Variants in VEZT observed in about 807,000 individuals in gnomAD.
VEZT encodes vezatin, adherens junctions transmembrane protein.
VEZT carries 39 observed loss-of-function variants against 79.9 expected under a neutral mutation model. That is an observed-to-expected ratio of 0.49 (90% CI 0.38 to 0.64). The LOEUF (loss-of-function observed/expected upper bound fraction) is 0.64. Ranked by LOEUF, VEZT falls within the 30% of genes least tolerant of loss-of-function variation. The pLI is 0.00. For synonymous variants in VEZT, 325 were observed against 327.6 expected, an observed-to-expected ratio of 0.99 and a Z score of 0.09; for missense variants, 837 against 893.1, an observed-to-expected ratio of 0.94 and a Z score of 0.80.
chr12:95,281,299 T>G (rs1260574164), intron 7 of VEZT, among the ~76,000 whole-genome samples: 1 of 152,108 alleles, frequency 6.6e-6, no homozygotes, highest in Non-Finnish European at 1.5e-5. Flanking sequence ...CCTGGCAACA[T>G]ACTGAGACCC....
At chr12:95,243,149 A>C (rs1267732219) in intron 1 of VEZT, among the ~76,000 whole-genome samples, 1 of 152,020 alleles carries the variant, frequency 6.6e-6, no homozygotes, top group Non-Finnish European at 1.5e-5. Flanking sequence ...TGAGGTGGGC[A>C]GATCACTTGA....
chr12:95,272,305 G>T (rs2066781916), intron 6 of VEZT, among the ~76,000 whole-genome samples: 1 of 152,192 alleles, frequency 6.6e-6, no homozygotes, highest in Non-Finnish European at 1.5e-5. Context: ...GTAAGAGAAG[G>T]CCTCTCTGAG....
intron 1 of VEZT, among the ~76,000 whole-genome samples, chr12:95,240,339 C>T (rs1293214271): frequency 1.3e-5 from 2 of 152,042 alleles, no homozygotes; most frequent in Non-Finnish European, 2.9e-5. Flanking sequence ...GTTGACACCC[C>T]AACATAATTT....
At chr12:95,290,934 A>G (rs1374440860) in intron 9 of VEZT, 1 of 152,166 alleles carries the variant, frequency 6.6e-6, no homozygotes, top group East Asian at 1.9e-4. Context: ...GGATTACCAT[A>G]GAAAAGAATC....
intron 1 of VEZT, among the ~76,000 whole-genome samples, chr12:95,247,182 CA>C (rs2061840955): frequency 6.6e-6 from 1 of 152,200 alleles, no homozygotes; most frequent in Admixed American, 6.5e-5. Context: ...AAAAGCTCAT[CA>C]GATGGTTGCA....
intron 1 of VEZT, among the ~76,000 whole-genome samples, chr12:95,245,953 T>G (rs1566068549): frequency 6.6e-6 from 1 of 152,202 alleles, no homozygotes; most frequent in Non-Finnish European, 1.5e-5. Flanking sequence ...CACTCCAGCC[T>G]GGGTGACAGA....
At chr12:95,260,474 G>A (rs1319211735) in intron 3 of VEZT, among the ~76,000 whole-genome samples, 1 of 152,134 alleles carries the variant, frequency 6.6e-6, no homozygotes, top group South Asian at 2.1e-4. Flanking sequence ...GTTGGTTTTG[G>A]GGAGGTGTTA....
chr12:95,294,372 G>A lies in VEZT; in HGVS notation c.1623G>A (p.Gln541=), dbSNP rs1410012741. Residue 541 remains glutamine (Q), a splice_region_variant and synonymous_variant, in exon 10 of 12, where the codon CAG becomes CAA. Coordinates refer to ENST00000436874, the MANE Select transcript of VEZT (RefSeq NM_017599.4). ...IADKDPIPEE[Q]ELEAYVDDID... is the part of the protein sequence containing the mutation. ...ACAAAGATCCAATCCCAGAGGAGCA[G>A]GTAAGGGTGAAAATTACTGTTCTTT... 3.2e-6 allele frequency: 5 copies of A among 1,570,022 alleles called. No individual in the cohort carries two copies. The Admixed American group carries it at 9.4e-5, about 30-fold the overall frequency.
chr12:95,241,607 A>T (rs11107953), intron 1 of VEZT, among the ~76,000 whole-genome samples: 17,034 of 152,148 alleles, frequency 0.11, 1,049 homozygotes, highest in East Asian at 0.25. Flanking sequence ...CCTGCCTAGC[A>T]CACCCCTCAG....
At position 95,256,630 on chromosome 12, in the gene VEZT, G is replaced by T. The variant is rs530989817; in HGVS notation, c.169-520G>T. The T allele has an allele frequency of 3.1e-6, 4 of 1,285,030 alleles. No individual in the cohort carries two copies. The Admixed American group carries it at 9.3e-5, about 30-fold the overall frequency. 79.6% of individuals were successfully genotyped at this position (1,285,030 alleles called of 1,614,324 possible). A position where few individuals can be genotyped will look rare whatever the true frequency, so the allele number is the denominator to read the frequency against. On this transcript the variant is annotated intron_variant, in intron 2 of 11. Coordinates refer to ENST00000436874, the MANE Select transcript of VEZT (RefSeq NM_017599.4). ...AAGGAATGGGCTATTAAGGTAAATT[G>T]AATTTTTGGTTGATTCAGTAGTAAA...
At chr12:95,277,581 AG>A (rs2068047784) in intron 7 of VEZT, among the ~76,000 whole-genome samples, 1 of 152,242 alleles carries the variant, frequency 6.6e-6, no homozygotes, top group Non-Finnish European at 1.5e-5. Flanking sequence ...TTATTCTTTA[AG>A]GAAAATAAAG....
intron 9 of VEZT, chr12:95,290,548 A>G (rs546550591): frequency 6.6e-6 from 1 of 152,322 alleles, no homozygotes; most frequent in South Asian, 2.1e-4. Flanking sequence ...AAACCACTAC[A>G]TACTATGTTA....
chr12:95,274,640 A>G (rs2067268637), intron 6 of VEZT, 102 bp from the exon 7 acceptor site: 1 of 1,303,312 alleles, frequency 7.7e-7, no homozygotes, highest in African/African-American at 1.5e-5. Context: ...TCCTCATCCA[A>G]AAGTTCAGAA....
Position 95,265,216 on chromosome 12 carries a change from A to G in VEZT, c.435-1141A>G, listed in dbSNP as rs1480494831. On this transcript the variant is annotated intron_variant, in intron 4 of 11. Transcript: ENST00000436874. Reference sequence around the variant, plus strand: ...AAAGCATTCATTGCTTTAAAGATGTATTTTAGTCTGTTAGACTTGCAATTG... The same window carrying G: ...AAAGCATTCATTGCTTTAAAGATGTGTTTTAGTCTGTTAGACTTGCAATTG... Among the ~76,000 whole-genome samples the G allele has an allele frequency of 3.9e-5, 6 of 152,016 alleles. No individual in the cohort carries two copies. The East Asian group carries it at 5.8e-4, about 15-fold the overall frequency.
intron 9 of VEZT, among the ~76,000 whole-genome samples, chr12:95,293,059 TC>T (rs2073343604): frequency 1.3e-5 from 2 of 150,400 alleles, no homozygotes; most frequent in South Asian, 4.2e-4. Flanking sequence ...ACCATGTTGG[TC>T]AGGCTGGTCT....
At chr12:95,270,666 TTGCTTTAGTCG>T (rs1368563897) in intron 6 of VEZT, among the ~76,000 whole-genome samples, 1 of 152,226 alleles carries the variant, frequency 6.6e-6, no homozygotes, top group East Asian at 1.9e-4. Flanking sequence ...TCTCTATACC[TTGCTTTAGTCG>T]TGTTTAAAAT....
chr12:95,262,729 A>T (rs1483945258), intron 3 of VEZT, among the ~76,000 whole-genome samples, 177 bp from the exon 4 acceptor site: 1 of 152,190 alleles, frequency 6.6e-6, no homozygotes, highest in African/African-American at 2.4e-5. Context: ...ACTGTTTCAC[A>T]TTTACAGTGA....
chr12:95,224,934 C>T (rs75762038), intron 1 of VEZT, among the ~76,000 whole-genome samples: 11,885 of 152,260 alleles, frequency 0.078, 510 homozygotes, highest in Middle Eastern at 0.12. Context: ...CTCTCACATG[C>T]ACATTTCACA....
At chr12:95,224,335 A>G (rs1263256616) in intron 1 of VEZT, 1 of 435,962 alleles carries the variant, frequency 2.3e-6, no homozygotes, top group South Asian at 1.6e-5. Context: ...TTTTTTTTTG[A>G]CAGGGTCTTG....
Sources: gnomAD v4.1 joint callset for allele counts (sites outside exome capture counted in the v4.1 genomes callset) on GRCh38, gnomAD v4.1.1 for gene constraint, MANE v1.5 for transcripts, NCBI Gene and HGNC (gene_info 2026-07-23, HGNC 2026-07-21) for gene names.